Variants in SUGCT observed in about 807,000 individuals in gnomAD.
The protein encoded by SUGCT is succinyl-CoA:glutarate-CoA transferase.
SUGCT carries 41 observed loss-of-function variants against 55.0 expected under a neutral mutation model. The observed-to-expected ratio is 0.74, with a 90% CI of 0.58 to 0.97. The LOEUF (loss-of-function observed/expected upper bound fraction) is 0.97, where lower values mean the gene tolerates loss of function less well. SUGCT is among the 50% of genes least tolerant of loss of function. The probability of loss-of-function intolerance (pLI) is 0.00; values close to 1 mark genes in which losing one functional copy is unlikely to be tolerated. For missense variants in SUGCT, 568 were observed against 547.8 expected (o/e 1.04, Z -0.37); for synonymous variants, 187 against 200.4 (o/e 0.93, Z 0.56).
chr7:40,317,917 G>A (rs1795526797), intron 9 of SUGCT, among the ~76,000 whole-genome samples: 1 of 152,170 alleles, frequency 6.6e-6, no homozygotes, highest in South Asian at 2.1e-4. Context: ...AACACATTGA[G>A]TTGATCTTTA....
rs535499287 is a variant in SUGCT at position 40,709,872 on chromosome 7, G to A, written c.1090-39562G>A. Among the ~76,000 whole-genome samples, 221 of 152,324 alleles carry A rather than the reference G, an allele frequency of 1.5e-3. 2 individuals are homozygous for A. The South Asian group carries it at 0.017, about 12-fold the overall frequency. ...GAATTTCTGACAGATCTGGGGTGAA[G>A]CTCAAAGATTAATTTCAATAAATTC... On this transcript the variant is annotated intron_variant, in intron 12 of 13. Transcript: ENST00000335693.
chr7:40,739,720 T>A (rs1787367244), intron 12 of SUGCT, among the ~76,000 whole-genome samples: 2 of 152,186 alleles, frequency 1.3e-5, no homozygotes, highest in Admixed American at 1.3e-4. Context: ...GACATATTTG[T>A]GTGGATCTAT....
At chr7:40,868,537 C>A in the SUGCT span, among the ~76,000 whole-genome samples, 1 of 152,108 alleles carries the variant, frequency 6.6e-6, no homozygotes, top group African/African-American at 2.4e-5. Flanking sequence ...ACCAAGATAG[C>A]CTTGTGACTT....
intron 12 of SUGCT, among the ~76,000 whole-genome samples, chr7:40,640,865 C>T (rs1201077180): frequency 3.9e-5 from 6 of 152,228 alleles, no homozygotes; most frequent in Non-Finnish European, 8.8e-5. Flanking sequence ...CGTAATGCAT[C>T]CTGGGGTTGT....
chr7:40,454,374 G>A (rs1305075195), intron 10 of SUGCT, among the ~76,000 whole-genome samples: 2 of 152,186 alleles, frequency 1.3e-5, no homozygotes, highest in South Asian at 2.1e-4. Context: ...AATACATAAT[G>A]TGTCCTTTAA....
At chr7:40,841,409 T>A (rs1793275719) in intron 13 of SUGCT, among the ~76,000 whole-genome samples, 1 of 152,184 alleles carries the variant, frequency 6.6e-6, no homozygotes, top group South Asian at 2.1e-4. Flanking sequence ...TGACGACAAC[T>A]AAATTGATGT....
chr7:40,583,648 A>G (rs1797217353), intron 12 of SUGCT, among the ~76,000 whole-genome samples: 1 of 152,188 alleles, frequency 6.6e-6, no homozygotes, highest in South Asian at 2.1e-4. Flanking sequence ...TTTTTACCAC[A>G]TATGCATAAA....
chr7:40,575,125 T>TGGGGGGGGGGGG (rs1491375845), intron 12 of SUGCT, among the ~76,000 whole-genome samples: 2 of 136,950 alleles, frequency 1.5e-5, no homozygotes, highest in African/African-American at 6.3e-5. Flanking sequence ...GTGGCGGGGG[T>TGGGGGGGGGGGG]GGGGGTGGAG....
At chr7:40,510,649 C>T (rs1457697726) in intron 12 of SUGCT, among the ~76,000 whole-genome samples, 6 of 152,084 alleles carry the variant, frequency 3.9e-5, no homozygotes, top group East Asian at 1.9e-4. Flanking sequence ...AAAGAGGCAA[C>T]GTTAAGCGTT....
intron 9 of SUGCT, among the ~76,000 whole-genome samples, chr7:40,374,079 G>A (rs1168033350): frequency 6.6e-6 from 1 of 152,072 alleles, no homozygotes; most frequent in Non-Finnish European, 1.5e-5. Context: ...CTTACTTAGA[G>A]ATGCACAATA....
intron 9 of SUGCT, among the ~76,000 whole-genome samples, chr7:40,360,573 GT>G (rs1346171485): frequency 6.6e-6 from 1 of 152,172 alleles, no homozygotes; most frequent in African/African-American, 2.4e-5. Flanking sequence ...CAGTAACAGA[GT>G]AAGTGCACTG....
At chr7:40,709,094 A>G (rs577198175) in intron 12 of SUGCT, among the ~76,000 whole-genome samples, 37 of 152,342 alleles carry the variant, frequency 2.4e-4, no homozygotes, top group African/African-American at 8.7e-4. Flanking sequence ...ACTGTCAGGA[A>G]TTATGATGAC....
chr7:40,936,438 G>A, the SUGCT span, among the ~76,000 whole-genome samples: 13 of 151,754 alleles, frequency 8.6e-5, no homozygotes, highest in Middle Eastern at 0.01. Context: ...TATTAATAAT[G>A]TTCCCTCTTT....
chr7:40,510,509 T>C (rs1792865950), intron 12 of SUGCT, among the ~76,000 whole-genome samples: 2 of 152,082 alleles, frequency 1.3e-5, no homozygotes, highest in South Asian at 4.1e-4. Flanking sequence ...AAATCTTGTT[T>C]TTTGGTATCT....
chr7:40,216,424 C>CGT (rs1250601021), intron 6 of SUGCT, among the ~76,000 whole-genome samples: 1 of 141,034 alleles, frequency 7.1e-6, no homozygotes, highest in Non-Finnish European at 1.5e-5. Context: ...CCCTTGAGCC[C>CGT]GGGAGGAGGA....
chr7:40,659,625 T>C lies in SUGCT; in HGVS notation c.1090-89809T>C, dbSNP rs544716674. Among the ~76,000 whole-genome samples, 178 of 152,332 alleles carry C rather than the reference T, an allele frequency of 1.2e-3. 1 individual carries two copies. The highest frequency in any genetic ancestry group is 4.0e-3 in the African/African-American group (167 of 41,574). On this transcript the variant is annotated intron_variant, in intron 12 of 13. Coordinates refer to ENST00000335693, the MANE Select transcript of SUGCT (RefSeq NM_001193313.2). ...TATATGAATACCAACAGGATTCTTG[T>C]GGGTCATATTGCAGGCTGGTTACCA...
At chr7:40,631,438 C>T (rs1262940281) in intron 12 of SUGCT, among the ~76,000 whole-genome samples, 1 of 152,094 alleles carries the variant, frequency 6.6e-6, no homozygotes, top group African/African-American at 2.4e-5. Flanking sequence ...TTAGTTTCAC[C>T]ATTCAACAAA....
intron 13 of SUGCT, among the ~76,000 whole-genome samples, chr7:40,850,895 C>G (rs1471734729): frequency 6.6e-6 from 1 of 152,170 alleles, no homozygotes; most frequent in Non-Finnish European, 1.5e-5. Flanking sequence ...TGAGAGGTAT[C>G]TAAGTTGCTA....
chr7:41,020,621 T>G, the SUGCT span, among the ~76,000 whole-genome samples: 1 of 152,240 alleles, frequency 6.6e-6, no homozygotes, highest in African/African-American at 2.4e-5. Flanking sequence ...TTCAATGTTT[T>G]AATAAACTGC....
Sources: allele counts gnomAD v4.1 joint callset (sites outside exome capture counted in the v4.1 genomes callset), GRCh38; gene constraint gnomAD v4.1.1; transcripts MANE v1.5; gene names NCBI Gene and HGNC (gene_info 2026-07-23, HGNC 2026-07-21).